Variants in FBXL5 observed in about 807,000 individuals in gnomAD.
FBXL5 encodes F-box and leucine rich repeat protein 5, also known as F-box/LRR-repeat protein 5.
A neutral mutation model predicts 78.3 loss-of-function variants in FBXL5; 26 were observed. That is an observed-to-expected ratio of 0.33 (90% CI 0.24 to 0.46). The LOEUF is 0.46. Among genes scored for constraint, FBXL5 ranks in the 20% least tolerant of loss-of-function variants. The pLI is 1.00. For missense variants in FBXL5, 710 were observed against 829.2 expected (o/e 0.86, Z 1.77); for synonymous variants, 295 against 282.5 (o/e 1.04, Z -0.45).
At chr4:15,651,274 G>C (rs1716009586) in intron 1 of FBXL5, among the ~76,000 whole-genome samples, 1 of 152,080 alleles carries the variant, frequency 6.6e-6, no homozygotes, top group South Asian at 2.1e-4. Flanking sequence ...GAACTAGTAA[G>C]GTAATGCAAA....
chr4:15,611,505 T>A (rs1257493200), intron 10 of FBXL5, among the ~76,000 whole-genome samples: 2 of 152,106 alleles, frequency 1.3e-5, no homozygotes, highest in Non-Finnish European at 2.9e-5. Flanking sequence ...TGCTTACTAA[T>A]AACAGAAGAG....
intron 1 of FBXL5, among the ~76,000 whole-genome samples, chr4:15,666,478 G>T (rs967586877): frequency 1.3e-5 from 2 of 152,158 alleles, no homozygotes; most frequent in African/African-American, 4.8e-5. Context: ...TATAAGTAAA[G>T]AGAGGATGAT....
At chr4:15,668,907 AAC>A (rs1717651959) in intron 1 of FBXL5, among the ~76,000 whole-genome samples, 1 of 152,330 alleles carries the variant, frequency 6.6e-6, no homozygotes, top group African/African-American at 2.4e-5. Flanking sequence ...CCAGAGTGAC[AAC>A]ACAGTAGCTC....
intron 3 of FBXL5, among the ~76,000 whole-genome samples, chr4:15,640,034 A>G (rs1714686666): frequency 6.6e-6 from 1 of 152,108 alleles, no homozygotes; most frequent in Non-Finnish European, 1.5e-5. Flanking sequence ...GCTTAAGATA[A>G]TAAATGTTTT....
chr4:15,655,382 TGCGCCCGCCCCGTCGGCGCGC>T, upstream of FBXL5: 2 of 1,073,526 alleles, frequency 1.9e-6, no homozygotes, highest in East Asian at 6.6e-5. Flanking sequence ...CCCTTGCGCA[TGCGCCCGCCCCGTCGGCGCGC>T]GCGCCCGGTC....
At chr4:15,624,875 AAACTAT>A (rs1467498368) in intron 9 of FBXL5, among the ~76,000 whole-genome samples, 1 of 152,232 alleles carries the variant, frequency 6.6e-6, no homozygotes, top group Non-Finnish European at 1.5e-5. Flanking sequence ...CCTCAGTATA[AAACTAT>A]AACATACAGA....
At chr4:15,644,352 T>C in intron 2 of FBXL5, 141 bp downstream of exon 2, 1 of 685,728 alleles carries the variant, frequency 1.5e-6, no homozygotes. Context: ...TTAAATAGTC[T>C]TCCTTGCCAT....
intron 2 of FBXL5, chr4:15,641,730 C>A: frequency 2.5e-6 from 1 of 395,542 alleles, no homozygotes; most frequent in South Asian, 1.9e-5. Context: ...TCAACTGTAC[C>A]TGTTAACATT....
At chr4:15,672,722 C>T (rs1717817250) in intron 1 of FBXL5, among the ~76,000 whole-genome samples, 2 of 152,178 alleles carry the variant, frequency 1.3e-5, no homozygotes, top group African/African-American at 2.4e-5. Context: ...AAACACTGCA[C>T]ACTTAGGCTT....
At chr4:15,654,580 A>G (rs539283581) in intron 1 of FBXL5, among the ~76,000 whole-genome samples, 1 of 152,368 alleles carries the variant, frequency 6.6e-6, no homozygotes, top group East Asian at 1.9e-4. Context: ...GAAAACGATA[A>G]CGACACATGA....
intron 4 of FBXL5, among the ~76,000 whole-genome samples, chr4:15,637,748 G>C (rs1373799622): frequency 6.6e-6 from 1 of 152,054 alleles, no homozygotes; most frequent in Non-Finnish European, 1.5e-5. Context: ...AATTATTTTA[G>C]TTTCAACATG....
At position 15,636,475 on chromosome 4, in the gene FBXL5, TAAA is replaced by T. The variant is rs754815735; in HGVS notation, c.766+16_766+18del. The T allele has an allele frequency of 6.8e-7, 1 of 1,477,988 alleles. No individual in the cohort carries two copies. The highest frequency in any genetic ancestry group is 9.0e-7 in the Non-Finnish European group (1 of 1,109,210). 91.6% of individuals were successfully genotyped at this position (1,477,988 alleles called of 1,614,324 possible). The stretch of plus-strand genomic sequence containing the variant: ...TCTAGAAAAATACATGAAAATATTT[TAAA>T]AACCCATTTACCTACCTCTGGCCCA... On this transcript the variant is annotated intron_variant, in intron 5 of 10. Coordinates refer to ENST00000341285, the MANE Select transcript of FBXL5 (RefSeq NM_012161.4).
chr4:15,654,540 G>GT (rs1716581539), intron 1 of FBXL5, among the ~76,000 whole-genome samples: 1 of 152,172 alleles, frequency 6.6e-6, no homozygotes, highest in Non-Finnish European at 1.5e-5. Flanking sequence ...TCTACATCCA[G>GT]TAAGTGTTCA....
At chr4:15,641,582 C>A (rs746892658) in intron 2 of FBXL5, 7 of 456,596 alleles carry the variant, frequency 1.5e-5, no homozygotes, top group African/African-American at 1.9e-5. Flanking sequence ...AATTGTTATT[C>A]GATTGTTTTA....
intron 4 of FBXL5, 24 bp downstream of exon 4, chr4:15,638,484 G>T: frequency 6.6e-7 from 1 of 1,516,114 alleles, no homozygotes; most frequent in Non-Finnish European, 8.8e-7. Context: ...CTAATAAATT[G>T]TTCTTTATAT....
At chr4:15,614,308 A>G (rs1318637775) in intron 9 of FBXL5, among the ~76,000 whole-genome samples, 1 of 152,198 alleles carries the variant, frequency 6.6e-6, no homozygotes, top group Non-Finnish European at 1.5e-5. Context: ...TCTCTCAGCC[A>G]TGGGTACCAG....
At chr4:15,624,503 T>C (rs926534372) in intron 9 of FBXL5, among the ~76,000 whole-genome samples, 1 of 151,750 alleles carries the variant, frequency 6.6e-6, no homozygotes. Context: ...AATCTTGAGG[T>C]GGGTCCTATA....
chr4:15,633,601 T>G (rs1321822898), intron 5 of FBXL5, among the ~76,000 whole-genome samples: 2 of 152,204 alleles, frequency 1.3e-5, no homozygotes, highest in Middle Eastern at 6.3e-3. Context: ...TTTACTGAAC[T>G]CATTTTTCTG....
chr4:15,633,267 C>T (rs1713877681), intron 5 of FBXL5, among the ~76,000 whole-genome samples: 2 of 152,124 alleles, frequency 1.3e-5, no homozygotes, highest in Admixed American at 6.5e-5. Context: ...ACTTTCTATA[C>T]AAAAAGTTTT....
Sources: allele counts gnomAD v4.1 joint callset (sites outside exome capture counted in the v4.1 genomes callset), GRCh38; gene constraint gnomAD v4.1.1; transcripts MANE v1.5; gene names NCBI Gene and HGNC (gene_info 2026-07-23, HGNC 2026-07-21).